The following CNTNAP2 variants were observed in gnomAD, a reference collection of about 807,000 sequenced individuals.
CNTNAP2 encodes the protein contactin-associated protein-like 2.
CNTNAP2 carries 98 observed loss-of-function variants against 155.2 expected under a neutral mutation model. The ratio of observed to expected loss-of-function variants is 0.63; its 90% confidence interval spans 0.54 to 0.75. The LOEUF is 0.75. Ranked by LOEUF, CNTNAP2 falls within the 30% of genes least tolerant of loss-of-function variation. CNTNAP2 has a pLI of 0.00. For synonymous variants in CNTNAP2, 651 were observed against 631.2 expected (o/e 1.03, Z -0.47); for missense variants, 1,727 against 1,688.1 (o/e 1.02, Z -0.40).
At chr7:146,904,786 G>C (rs1484661667) in intron 3 of CNTNAP2, among the ~76,000 whole-genome samples, 6 of 152,120 alleles carry the variant, frequency 3.9e-5, no homozygotes, top group Admixed American at 3.3e-4. Context: ...TTCATCTTTT[G>C]AGCATGGGGC....
intron 14 of CNTNAP2, among the ~76,000 whole-genome samples, chr7:147,956,534 TGCC>T (rs1320998008): frequency 6.6e-6 from 1 of 152,200 alleles, no homozygotes; most frequent in Non-Finnish European, 1.5e-5. Flanking sequence ...TTCAGCCTTC[TGCC>T]GCTGACACCC....
intron 3 of CNTNAP2, among the ~76,000 whole-genome samples, chr7:146,904,692 C>T (rs768975057): frequency 3.7e-4 from 56 of 152,144 alleles, no homozygotes; most frequent in South Asian, 2.1e-4. Flanking sequence ...AGGATGGTCT[C>T]GATCTCCTGA....
chr7:146,436,890 T>C (rs1796250988), intron 1 of CNTNAP2, among the ~76,000 whole-genome samples: 2 of 151,570 alleles, frequency 1.3e-5, no homozygotes, highest in African/African-American at 4.9e-5. Flanking sequence ...AAGCAATATC[T>C]AAAGCTGTAT....
intron 13 of CNTNAP2, among the ~76,000 whole-genome samples, chr7:147,882,594 G>T (rs1448852947): frequency 6.6e-6 from 1 of 152,192 alleles, no homozygotes; most frequent in East Asian, 1.9e-4. Context: ...GGACCAGAGT[G>T]GAGGTAGGAA....
chr7:146,894,165 A>G (rs569511564), intron 3 of CNTNAP2, among the ~76,000 whole-genome samples: 1 of 152,280 alleles, frequency 6.6e-6, no homozygotes, highest in South Asian at 2.1e-4. Flanking sequence ...TTTCTTCCAA[A>G]TACTTATACT....
At chr7:146,815,763 C>CTT (rs145221552) in intron 2 of CNTNAP2, among the ~76,000 whole-genome samples, 214 of 151,380 alleles carry the variant, frequency 1.4e-3, no homozygotes, top group Middle Eastern at 3.4e-3. Context: ...ATATAGAGCA[C>CTT]TTTTTTTTTA....
At chr7:147,096,987 G>A (rs1800549115) in intron 4 of CNTNAP2, among the ~76,000 whole-genome samples, 1 of 152,182 alleles carries the variant, frequency 6.6e-6, no homozygotes, top group Admixed American at 6.5e-5. Flanking sequence ...TTTTATGGTT[G>A]AGGTAAAATT....
chr7:147,034,095 T>C (rs1165430707), intron 3 of CNTNAP2, among the ~76,000 whole-genome samples: 1 of 151,976 alleles, frequency 6.6e-6, no homozygotes, highest in Non-Finnish European at 1.5e-5. Flanking sequence ...AGAAAAGGAG[T>C]GGGGACTTCC....
At chr7:148,369,202 T>C (rs1438114091) in intron 21 of CNTNAP2, among the ~76,000 whole-genome samples, 61 of 133,292 alleles carry the variant, frequency 4.6e-4, no homozygotes, top group African/African-American at 1.7e-3. Flanking sequence ...TTTTTTTTTT[T>C]TTTTTTTTTG....
At chr7:146,511,682 G>A (rs1382213798) in intron 1 of CNTNAP2, among the ~76,000 whole-genome samples, 1 of 152,138 alleles carries the variant, frequency 6.6e-6, no homozygotes, top group Admixed American at 6.6e-5. Context: ...ATGTTTGCTA[G>A]TATTTTGTTG....
At chr7:147,539,841 A>T (rs1302180425) in intron 11 of CNTNAP2, among the ~76,000 whole-genome samples, 1 of 152,198 alleles carries the variant, frequency 6.6e-6, no homozygotes. Flanking sequence ...AGAAATGAGG[A>T]TACTGACTTC....
At chr7:146,677,690 A>AT (rs71165028) in intron 1 of CNTNAP2, among the ~76,000 whole-genome samples, 87,480 of 148,772 alleles carry the variant, frequency 0.59, 27,025 homozygotes, top group South Asian at 0.8. Flanking sequence ...ATAGTTGGTG[A>AT]TTTTTTTTTT....
At chr7:146,160,791 C>G (rs925690682) in intron 1 of CNTNAP2, among the ~76,000 whole-genome samples, 1 of 152,154 alleles carries the variant, frequency 6.6e-6, no homozygotes, top group African/African-American at 2.4e-5. Flanking sequence ...GATCTGGTAC[C>G]ATTCCTTCTG....
chr7:146,845,008 T>C (rs1385201420), intron 3 of CNTNAP2, among the ~76,000 whole-genome samples: 15 of 152,090 alleles, frequency 9.9e-5, no homozygotes, highest in Admixed American at 9.8e-4. Context: ...ATCTAAGAAG[T>C]ATTAAATAGA....
At chr7:146,342,849 A>G (rs1276348264) in intron 1 of CNTNAP2, among the ~76,000 whole-genome samples, 2 of 152,170 alleles carry the variant, frequency 1.3e-5, no homozygotes, top group Non-Finnish European at 2.9e-5. Context: ...TTATTTCTCT[A>G]TTATTCTTCA....
intron 1 of CNTNAP2, among the ~76,000 whole-genome samples, chr7:146,426,185 C>CAAAAAAAAAAAAAAAAAAAAAA (rs57484419): frequency 9.2e-5 from 5 of 54,634 alleles, no homozygotes; most frequent in African/African-American, 3.7e-4. Context: ...GACTTCGCCT[C>CAAAAAAAAAAAAAAAAAAAAAA]AAAAAAAAAA....
intron 1 of CNTNAP2, among the ~76,000 whole-genome samples, chr7:146,560,667 G>A (rs1053142891): frequency 1.3e-5 from 2 of 152,118 alleles, no homozygotes; most frequent in Non-Finnish European, 2.9e-5. Flanking sequence ...AGTAGAGTGA[G>A]AATATGTCAG....
chr7:147,298,949 T>C (rs545404377), intron 8 of CNTNAP2, among the ~76,000 whole-genome samples: 1 of 152,222 alleles, frequency 6.6e-6, no homozygotes, highest in Admixed American at 6.5e-5. Flanking sequence ...ATTCCTGGTA[T>C]AAATTATCAG....
intron 10 of CNTNAP2, among the ~76,000 whole-genome samples, chr7:147,417,555 A>G (rs1009530200): frequency 1.3e-5 from 2 of 152,198 alleles, no homozygotes; most frequent in African/African-American, 2.4e-5. Flanking sequence ...TTCAGTCTCT[A>G]ACATTCACCT....
Sources: gnomAD v4.1 joint callset for allele counts (sites outside exome capture counted in the v4.1 genomes callset) on GRCh38, gnomAD v4.1.1 for gene constraint, MANE v1.5 for transcripts, NCBI Gene and HGNC (gene_info 2026-07-23, HGNC 2026-07-21) for gene names.